Variants in DPP6 observed in about 807,000 individuals in gnomAD.
DPP6 encodes the protein A-type potassium channel modulatory protein DPP6.
In DPP6, 69 loss-of-function variants were observed where a neutral mutation model predicts 122.6. That is an observed-to-expected ratio of 0.56 (90% CI 0.46 to 0.69). The LOEUF is 0.69. Among genes scored for constraint, DPP6 ranks in the 30% least tolerant of loss-of-function variants. The pLI is 0.00. For synonymous variants in DPP6, 418 were observed against 433.1 expected (o/e 0.97, Z 0.43); for missense variants, 928 against 1,116.9 (o/e 0.83, Z 2.41).
intron 7 of DPP6, among the ~76,000 whole-genome samples, chr7:154,720,769 A>C (rs1355456389): frequency 6.6e-6 from 1 of 152,264 alleles, no homozygotes; most frequent in African/African-American, 2.4e-5. Flanking sequence ...AGGGGTGGGC[A>C]GCCCCTTCAC....
chr7:154,251,755 C>T (rs746657693), intron 1 of DPP6, among the ~76,000 whole-genome samples: 55 of 151,922 alleles, frequency 3.6e-4, no homozygotes, highest in Non-Finnish European at 3.8e-4. Context: ...AGATGAAGGC[C>T]GGAAGTCTCA....
chr7:154,830,598 G>A lies in DPP6; in HGVS notation c.1667-23182G>A, dbSNP rs575242690. On this transcript the variant is annotated intron_variant, in intron 16 of 25. Transcript: ENST00000377770. ...GAAAAGGAAGTTTGCCACACAGAAA[G>A]CTCCAACTGGTTCTAAGCAAAGGGT... 3.3e-5 allele frequency among the ~76,000 whole-genome samples: 5 copies of A among 152,324 alleles called. No individual in the cohort carries two copies. In the South Asian group the frequency reaches 1.0e-3, roughly 32 times the overall value.
chr7:154,051,462 G>A (rs1370079149), upstream of DPP6, among the ~76,000 whole-genome samples: 1 of 150,972 alleles, frequency 6.6e-6, no homozygotes, highest in Non-Finnish European at 1.5e-5. Context: ...GAGGGGAAGA[G>A]AAGCCAGGCC....
intron 22 of DPP6, 65 bp from the exon 23 acceptor site, chr7:154,887,610 GT>G (rs1806264574): frequency 1.3e-6 from 2 of 1,564,002 alleles, no homozygotes; most frequent in South Asian, 1.1e-5. Context: ...CCTCCCTAGA[GT>G]TTGGGGGCTG....
chr7:154,885,843 C>T (rs1057362581), intron 22 of DPP6, 99 bp downstream of exon 22: 25 of 1,487,022 alleles, frequency 1.7e-5, no homozygotes, highest in African/African-American at 5.6e-5. Flanking sequence ...ACCACCGTCC[C>T]GCTAACCACA....
intron 1 of DPP6, among the ~76,000 whole-genome samples, chr7:154,361,524 G>A (rs1811717844): frequency 6.8e-6 from 1 of 146,574 alleles, no homozygotes; most frequent in African/African-American, 2.5e-5. Context: ...AGAGATAAAG[G>A]TAATGCTTTC....
At chr7:154,075,036 A>G (rs1803457511) in intron 1 of DPP6, among the ~76,000 whole-genome samples, 1 of 152,048 alleles carries the variant, frequency 6.6e-6, no homozygotes, top group Non-Finnish European at 1.5e-5. Flanking sequence ...ACAAATGGCC[A>G]ACAAACATAT....
intron 1 of DPP6, among the ~76,000 whole-genome samples, chr7:153,896,846 T>G (rs1473436681): frequency 6.6e-6 from 1 of 152,180 alleles, no homozygotes; most frequent in African/African-American, 2.4e-5. Context: ...ATATACTTAT[T>G]TATAACAGAA....
Position 154,226,565 on chromosome 7 carries a change from A to G in DPP6, c.243+173502A>G, listed in dbSNP as rs566549408. Among the ~76,000 whole-genome samples the G allele has an allele frequency of 7.9e-5, 12 of 152,270 alleles. No individual in the cohort carries two copies. In the East Asian group the frequency reaches 2.3e-3, roughly 29 times the overall value. On this transcript the variant is annotated intron_variant, in intron 1 of 25. Transcript: ENST00000377770. ...ATTGAAGTGTCTTTCTTCGTACAGT[A>G]TTGCAATCCATGTAGTATGGGAACT...
At chr7:154,272,150 G>T (rs1803839150) in intron 1 of DPP6, among the ~76,000 whole-genome samples, 2 of 152,206 alleles carry the variant, frequency 1.3e-5, no homozygotes, top group African/African-American at 4.8e-5. Flanking sequence ...CCAGCACAGT[G>T]CCTTGAACTG....
At chr7:153,917,141 C>A (rs1196574070) in intron 1 of DPP6, among the ~76,000 whole-genome samples, 5 of 152,186 alleles carry the variant, frequency 3.3e-5, no homozygotes, top group Admixed American at 2.6e-4. Context: ...CATCTGTGAG[C>A]TGTGCTTTAA....
chr7:154,130,298 T>A (rs534733271), intron 1 of DPP6, among the ~76,000 whole-genome samples: 12 of 152,090 alleles, frequency 7.9e-5, no homozygotes, highest in African/African-American at 2.9e-4. Flanking sequence ...GAAAAATGGG[T>A]CTCGATGGGA....
At chr7:154,375,301 C>T (rs892028654) in intron 1 of DPP6, among the ~76,000 whole-genome samples, 3 of 151,996 alleles carry the variant, frequency 2.0e-5, no homozygotes, top group Admixed American at 1.3e-4. Context: ...ACCCCAAGGG[C>T]AGGAGGTCGA....
the DPP6 span, among the ~76,000 whole-genome samples, chr7:153,802,949 G>A: frequency 1.4e-4 from 21 of 151,900 alleles, no homozygotes; most frequent in East Asian, 3.5e-3. Context: ...TTCCTTCCTC[G>A]ACCCTCTGAT....
intron 1 of DPP6, among the ~76,000 whole-genome samples, chr7:154,310,649 ACCTTC>A (rs1806786140): frequency 2.0e-5 from 3 of 152,226 alleles, no homozygotes; most frequent in African/African-American, 7.2e-5. Flanking sequence ...TATACTCAAA[ACCTTC>A]AAATGCTCCA....
At chr7:154,429,676 A>G (rs1455642997) in intron 1 of DPP6, among the ~76,000 whole-genome samples, 1 of 152,178 alleles carries the variant, frequency 6.6e-6, no homozygotes, top group African/African-American at 2.4e-5. Context: ...ATGGAGAAAC[A>G]GGTGCCCGCC....
chr7:153,927,006 T>G (rs150374608), intron 1 of DPP6, among the ~76,000 whole-genome samples: 2,417 of 127,120 alleles, frequency 0.019, 56 homozygotes, highest in African/African-American at 0.067. Context: ...TAAGTTAAAT[T>G]TTTTTTTTTT....
intron 1 of DPP6, among the ~76,000 whole-genome samples, chr7:153,958,502 C>T (rs1416193877): frequency 2.0e-5 from 3 of 152,062 alleles, no homozygotes; most frequent in Admixed American, 1.3e-4. Context: ...GTGGGTGAGC[C>T]AGGGAGGAGG....
chr7:154,519,501 A>G (rs918834900), intron 3 of DPP6, among the ~76,000 whole-genome samples: 1 of 152,214 alleles, frequency 6.6e-6, no homozygotes, highest in African/African-American at 2.4e-5. Context: ...GCACTTTGAC[A>G]CTCACAGACA....
Sources: gnomAD v4.1 joint callset for allele counts (sites outside exome capture counted in the v4.1 genomes callset) on GRCh38, gnomAD v4.1.1 for gene constraint, MANE v1.5 for transcripts, NCBI Gene and HGNC (gene_info 2026-07-23, HGNC 2026-07-21) for gene names.